The following CFAP141 variants were observed in gnomAD, a reference collection of about 807,000 sequenced individuals.
CFAP141 encodes the protein cilia and flagella associated protein 141, also known as cilia- and flagella-associated protein 141.
At chr1:154,206,187 C>T in the CFAP141 span, 1 of 1,252,868 alleles carries the variant, frequency 8.0e-7, no homozygotes, top group Non-Finnish European at 1.2e-6. Context: ...ACATCAAAAG[C>T]CTTTCCCAGT....
the CFAP141 span, among the ~76,000 whole-genome samples, chr1:154,199,820 C>T: frequency 6.6e-6 from 1 of 152,050 alleles, no homozygotes; most frequent in Non-Finnish European, 1.5e-5. Context: ...CAAGTGGGGA[C>T]CCCGGGAGAG....
At chr1:154,202,420 A>T in the CFAP141 span, among the ~76,000 whole-genome samples, 1 of 152,214 alleles carries the variant, frequency 6.6e-6, no homozygotes, top group Non-Finnish European at 1.5e-5. Context: ...AATATACATC[A>T]TGCATGTACA....
the CFAP141 span, chr1:154,206,220 TG>T: frequency 1.7e-5 from 26 of 1,532,356 alleles, no homozygotes; most frequent in Non-Finnish European, 2.3e-5. Flanking sequence ...TATAGTAAAT[TG>T]ATCTGGAAAC....
the CFAP141 span, among the ~76,000 whole-genome samples, chr1:154,205,852 C>T: frequency 1.3e-5 from 2 of 152,084 alleles, no homozygotes; most frequent in South Asian, 2.1e-4. Context: ...TATAGGAATG[C>T]ACCACCATGC....
the CFAP141 span, among the ~76,000 whole-genome samples, chr1:154,205,378 AG>A: frequency 6.6e-6 from 1 of 152,238 alleles, no homozygotes. Context: ...AGAATGAGGC[AG>A]GGGACAATAA....
the CFAP141 span, chr1:154,199,497 T>C: frequency 1.2e-6 from 2 of 1,613,494 alleles, no homozygotes; most frequent in Non-Finnish European, 1.7e-6. Context: ...ATGCTCCTTT[T>C]CAAACAGCTG....
At chr1:154,203,565 A>G in the CFAP141 span, among the ~76,000 whole-genome samples, 2 of 151,940 alleles carry the variant, frequency 1.3e-5, no homozygotes. Flanking sequence ...AATAGCCAGG[A>G]CAACAGGTGT....
At chr1:154,202,296 G>A in the CFAP141 span, among the ~76,000 whole-genome samples, 1 of 151,610 alleles carries the variant, frequency 6.6e-6, no homozygotes. Context: ...GGCTGGTCTC[G>A]AACTCCAGAC....
the CFAP141 span, among the ~76,000 whole-genome samples, chr1:154,203,218 T>TGGGC: frequency 1.4e-5 from 1 of 69,540 alleles, no homozygotes; most frequent in Non-Finnish European, 2.6e-5. Flanking sequence ...TATATATATA[T>TGGGC]ATATATATAT....
the CFAP141 span, chr1:154,199,666 A>G: frequency 1.6e-6 from 1 of 613,326 alleles, no homozygotes; most frequent in Non-Finnish European, 2.9e-6. Context: ...GGGTGGTAGC[A>G]GAGAGGCTGA....
At chr1:154,199,832 G>C in the CFAP141 span, among the ~76,000 whole-genome samples, 1 of 152,158 alleles carries the variant, frequency 6.6e-6, no homozygotes, top group African/African-American at 2.4e-5. Flanking sequence ...CCGGGAGAGA[G>C]AGAGGTACCG....
chr1:154,203,214 T>C, the CFAP141 span, among the ~76,000 whole-genome samples: 2 of 64,458 alleles, frequency 3.1e-5, no homozygotes, highest in African/African-American at 1.1e-4. Context: ...TATATATATA[T>C]ATATATATAT....
chr1:154,199,985 G>C, the CFAP141 span, among the ~76,000 whole-genome samples: 1 of 152,006 alleles, frequency 6.6e-6, no homozygotes, highest in African/African-American at 2.4e-5. Flanking sequence ...AGTGATTCTC[G>C]TGCCTCGGCC....
chr1:154,200,925 C>T, the CFAP141 span, among the ~76,000 whole-genome samples: 1 of 152,152 alleles, frequency 6.6e-6, no homozygotes. Flanking sequence ...CTCAGGTGAT[C>T]CACCTGCCTC....
At chr1:154,199,929 T>G in the CFAP141 span, among the ~76,000 whole-genome samples, 1 of 152,114 alleles carries the variant, frequency 6.6e-6, no homozygotes, top group Non-Finnish European at 1.5e-5. Context: ...CAGGCTGGAG[T>G]GCAGTGGCAC....
the CFAP141 span, chr1:154,206,312 A>G: frequency 1.2e-5 from 20 of 1,613,950 alleles, no homozygotes; most frequent in Non-Finnish European, 1.6e-5. Context: ...AGACATGTCT[A>G]TAGATTTGCT....
the CFAP141 span, chr1:154,199,312 C>T: frequency 1.5e-6 from 1 of 682,752 alleles, no homozygotes; most frequent in Non-Finnish European, 2.6e-6. Flanking sequence ...TCTTAAGTCC[C>T]TGACAGATAG....
the CFAP141 span, among the ~76,000 whole-genome samples, chr1:154,199,136 A>G: frequency 6.6e-6 from 1 of 152,060 alleles, no homozygotes; most frequent in African/African-American, 2.4e-5. Context: ...AGGATTCTCA[A>G]CTCTCATTGT....
chr1:154,204,889 G>C, the CFAP141 span, among the ~76,000 whole-genome samples: 1 of 56,704 alleles, frequency 1.8e-5, no homozygotes, highest in Non-Finnish European at 3.7e-5. Context: ...TTTTTTTTTT[G>C]TAGAGACGGA....
Sources: allele counts gnomAD v4.1 joint callset (sites outside exome capture counted in the v4.1 genomes callset), GRCh38; gene constraint gnomAD v4.1.1; transcripts MANE v1.5; gene names NCBI Gene and HGNC (gene_info 2026-07-23, HGNC 2026-07-21).